The following PDE1C variants were observed in gnomAD, a reference collection of about 807,000 sequenced individuals.
PDE1C encodes phosphodiesterase 1C.
A neutral mutation model predicts 93.1 loss-of-function variants in PDE1C; 62 were observed. The ratio of observed to expected loss-of-function variants is 0.67; its 90% confidence interval spans 0.54 to 0.82. PDE1C has a LOEUF of 0.82. Ranked by LOEUF, PDE1C falls within the 40% of genes least tolerant of loss-of-function variation. The probability of loss-of-function intolerance (pLI) is 0.00; values close to 1 mark genes in which losing one functional copy is unlikely to be tolerated. For synonymous variants in PDE1C, 325 were observed against 310.1 expected, an observed-to-expected ratio of 1.05 and a Z score of -0.50; for missense variants, 742 against 884.6, an observed-to-expected ratio of 0.84 and a Z score of 2.04.
chr7:31,616,779 G>A, the PDE1C span, among the ~76,000 whole-genome samples: 23 of 148,120 alleles, frequency 1.6e-4, no homozygotes, highest in Non-Finnish European at 3.1e-4. Flanking sequence ...AAACCAAAAA[G>A]GTTTCTAAAT....
downstream of PDE1C, among the ~76,000 whole-genome samples, chr7:31,749,428 T>G (rs958013927): frequency 6.6e-6 from 1 of 152,234 alleles, no homozygotes; most frequent in Non-Finnish European, 1.5e-5. Flanking sequence ...CTGCTATGGG[T>G]TTTTTGTGCT....
At chr7:31,627,423 C>T in the PDE1C span, among the ~76,000 whole-genome samples, 28 of 152,120 alleles carry the variant, frequency 1.8e-4, no homozygotes, top group Admixed American at 1.6e-3. Flanking sequence ...TTTGGGAGGT[C>T]AAGGCAGGAG....
At chr7:31,941,855 A>AGG (rs2129000571) in intron 2 of PDE1C, among the ~76,000 whole-genome samples, 1 of 152,374 alleles carries the variant, frequency 6.6e-6, no homozygotes, top group South Asian at 2.1e-4. Context: ...TATGCTGGTC[A>AGG]AACAAGATAA....
At chr7:32,181,546 A>C (rs1353489761) in intron 2 of PDE1C, among the ~76,000 whole-genome samples, 1 of 152,200 alleles carries the variant, frequency 6.6e-6, no homozygotes, top group East Asian at 1.9e-4. Context: ...CTCCTGAATG[A>C]CTACTGGGTA....
chr7:32,308,357 C>T (rs1265554083), intron 1 of PDE1C, among the ~76,000 whole-genome samples: 1 of 152,252 alleles, frequency 6.6e-6, no homozygotes, highest in African/African-American at 2.4e-5. Flanking sequence ...ACTTAAATGT[C>T]CCTGTCTGAC....
the PDE1C span, among the ~76,000 whole-genome samples, chr7:31,698,092 T>C: frequency 6.6e-6 from 1 of 152,222 alleles, no homozygotes; most frequent in East Asian, 1.9e-4. Context: ...TTTTCACTAA[T>C]CTGTGCTGTG....
At chr7:31,835,234 G>A (rs1245433644) in intron 11 of PDE1C, among the ~76,000 whole-genome samples, 2 of 152,160 alleles carry the variant, frequency 1.3e-5, no homozygotes, top group African/African-American at 4.8e-5. Flanking sequence ...CTAGTACAGG[G>A]TGATATTGCA....
chr7:32,337,730 G>A (rs1783657677), intron 1 of PDE1C, among the ~76,000 whole-genome samples: 2 of 151,562 alleles, frequency 1.3e-5, no homozygotes, highest in African/African-American at 4.8e-5. Flanking sequence ...GGGAAAGGAG[G>A]GGGGAGAAGA....
intron 5 of PDE1C, 92 bp from the exon 6 acceptor site, chr7:31,873,500 C>T (rs998349437): frequency 2.7e-6 from 2 of 750,194 alleles, no homozygotes; most frequent in Admixed American, 4.6e-5. Context: ...CTGCAGCCCT[C>T]ACTGGAGATT....
At chr7:32,079,107 C>A (rs1405359722) in intron 3 of PDE1C, among the ~76,000 whole-genome samples, 2 of 152,172 alleles carry the variant, frequency 1.3e-5, no homozygotes, top group Admixed American at 1.3e-4. Flanking sequence ...TTTACAGATT[C>A]TTTTCTCTGT....
At chr7:32,330,905 G>A (rs568235114) in intron 1 of PDE1C, among the ~76,000 whole-genome samples, 98 of 152,278 alleles carry the variant, frequency 6.4e-4, no homozygotes, top group Middle Eastern at 6.8e-3. Context: ...CAAGGCCATC[G>A]GTCCCCTGGG....
chr7:32,034,530 C>T (rs984782607), intron 2 of PDE1C, among the ~76,000 whole-genome samples: 1 of 152,144 alleles, frequency 6.6e-6, no homozygotes, highest in African/African-American at 2.4e-5. Flanking sequence ...CCATTCTCTA[C>T]AAAAATTATT....
chr7:32,210,225 G>C (rs1414150572), intron 1 of PDE1C, among the ~76,000 whole-genome samples: 1 of 152,182 alleles, frequency 6.6e-6, no homozygotes, highest in Non-Finnish European at 1.5e-5. Flanking sequence ...GGGTAAAAGA[G>C]ATTGGTTGTT....
intron 4 of PDE1C, among the ~76,000 whole-genome samples, chr7:31,878,428 A>G (rs1441641919): frequency 6.6e-6 from 1 of 152,242 alleles, no homozygotes. Flanking sequence ...TAGAACTGTC[A>G]AAAACAAGAA....
At chr7:32,031,194 T>G (rs1790258258) in intron 2 of PDE1C, among the ~76,000 whole-genome samples, 1 of 152,168 alleles carries the variant, frequency 6.6e-6, no homozygotes, top group Admixed American at 6.5e-5. Flanking sequence ...ACCAGTTCCC[T>G]CATTAATAAT....
the PDE1C span, among the ~76,000 whole-genome samples, chr7:31,705,627 A>G: frequency 6.6e-6 from 1 of 152,230 alleles, no homozygotes; most frequent in Non-Finnish European, 1.5e-5. Context: ...ATCAACACAT[A>G]GTTTTCATTA....
chr7:32,115,497 C>A (rs1465645250), intron 3 of PDE1C, among the ~76,000 whole-genome samples: 1 of 151,726 alleles, frequency 6.6e-6, no homozygotes, highest in Non-Finnish European at 1.5e-5. Context: ...GGGAGAGCAT[C>A]AAGACAAATA....
At chr7:31,915,171 C>T (rs1188225903) in intron 2 of PDE1C, among the ~76,000 whole-genome samples, 6 of 152,168 alleles carry the variant, frequency 3.9e-5, no homozygotes, top group Non-Finnish European at 7.3e-5. Flanking sequence ...TACTGCTGTC[C>T]ACTCTGGTCT....
In PDE1C at chr7:32,248,819, A is replaced by G. The variant is rs1344666845; in HGVS notation, c.86-39280T>C. On this transcript the variant is annotated intron_variant, in intron 1 of 18. Coordinates refer to the PDE1C transcript ENST00000396193. ...CTTGGAAAAGAAAACATCTGGAGAGAAAAGACTTTGTGAAGAGCTTCCTTT... is the reference window on the plus strand; with the variant it reads ...CTTGGAAAAGAAAACATCTGGAGAGGAAAGACTTTGTGAAGAGCTTCCTTT... 3.3e-5 allele frequency among the ~76,000 whole-genome samples: 5 copies of G among 152,246 alleles called. No individual in the cohort carries two copies. In the East Asian group the frequency reaches 9.6e-4, roughly 29 times the overall value.
Sources: allele counts gnomAD v4.1 joint callset (sites outside exome capture counted in the v4.1 genomes callset), GRCh38; gene constraint gnomAD v4.1.1; transcripts MANE v1.5; gene names NCBI Gene and HGNC (gene_info 2026-07-23, HGNC 2026-07-21).